The following DOCK8 variants were observed in gnomAD, a reference collection of about 807,000 sequenced individuals.
DOCK8 encodes dedicator of cytokinesis protein 8.
DOCK8 carries 141 observed loss-of-function variants against 245.6 expected under a neutral mutation model. That is an observed-to-expected ratio of 0.57 (90% CI 0.50 to 0.66). DOCK8 has a LOEUF of 0.66. Ranked by LOEUF, DOCK8 falls within the 30% of genes least tolerant of loss-of-function variation. The pLI is 0.00. For missense variants in DOCK8, 2,965 were observed against 2,603.4 expected, an observed-to-expected ratio of 1.14 and a Z score of -3.02; for synonymous variants, 1,168 against 970.2, an observed-to-expected ratio of 1.20 and a Z score of -3.79.
At chr9:422,818 C>T (rs1202587421) in intron 33 of DOCK8, among the ~76,000 whole-genome samples, 3 of 152,014 alleles carry the variant, frequency 2.0e-5, no homozygotes, top group Non-Finnish European at 4.4e-5. Context: ...AACCCCGTCT[C>T]TACAAAAAAT....
intron 14 of DOCK8, among the ~76,000 whole-genome samples, chr9:348,031 T>C (rs868076379): frequency 6.6e-6 from 1 of 152,188 alleles, no homozygotes; most frequent in Non-Finnish European, 1.5e-5. Flanking sequence ...CTGAAAAGTA[T>C]TGCAGCATCC....
rs777260693 is a variant in DOCK8, at chr9:452,054, C to G, written c.6005C>G (p.Ala2002Gly). The change falls in exon 46 of 48, where the codon GCT (alanine) becomes GGT (glycine). Residue 2002 changes from alanine (A) to glycine (G), a missense_variant. Physicochemically the swap from Ala to Gly is moderately conservative, Grantham distance 60 (BLOSUM62 0). Coordinates refer to ENST00000432829, the MANE Select transcript of DOCK8 (RefSeq NM_203447.4). ...CAAGTGTTTTTGGCTGAAATTCCTG[C>G]TGATCCAAAACTCTATCGACATCAC... ...VAQVFLAEIP[A>G]DPKLYRHHNK... is the part of the protein sequence containing the mutation. 6.3e-7 allele frequency: 1 copy of G among 1,594,640 alleles called. No homozygotes were observed. Among genetic ancestry groups the G allele is most frequent in the Non-Finnish European group, 8.5e-7 (1 of 1,171,882 alleles).
intron 13 of DOCK8, 120 bp from the exon 14 acceptor site, chr9:340,039 T>G: frequency 8.4e-7 from 1 of 1,186,806 alleles, no homozygotes; most frequent in Non-Finnish European, 1.2e-6. Flanking sequence ...CTCCAAAACT[T>G]TTTTACAGTA....
At chr9:237,228 A>C (rs1398453604) in intron 1 of DOCK8, among the ~76,000 whole-genome samples, 17 of 152,260 alleles carry the variant, frequency 1.1e-4, no homozygotes, top group Non-Finnish European at 1.5e-5. Flanking sequence ...TGGGAGCTGC[A>C]AGGAAAGCAA....
intron 1 of DOCK8, among the ~76,000 whole-genome samples, chr9:262,123 CA>C (rs1349810931): frequency 2.0e-5 from 3 of 152,042 alleles, no homozygotes; most frequent in African/African-American, 7.2e-5. Flanking sequence ...AGTGTCTCTT[CA>C]TGAAAACTTT....
chr9:339,514 G>A (rs1253179719), intron 13 of DOCK8, among the ~76,000 whole-genome samples: 4 of 151,986 alleles, frequency 2.6e-5, no homozygotes, highest in Admixed American at 6.6e-5. Context: ...AAGCCAGTTT[G>A]TGTTTGTTTT....
At chr9:346,911 G>A (rs947276763) in intron 14 of DOCK8, among the ~76,000 whole-genome samples, 2 of 151,990 alleles carry the variant, frequency 1.3e-5, no homozygotes, top group Non-Finnish European at 2.9e-5. Context: ...TAGGAAGAGG[G>A]GCAGGACATG....
chr9:377,273 T>C (rs1586840927), intron 20 of DOCK8, 62 bp downstream of exon 20: 2 of 1,449,362 alleles, frequency 1.4e-6, no homozygotes, highest in East Asian at 2.5e-5. Context: ...CCTTCTTTAA[T>C]GAAAAATGAC....
chr9:441,416 A>G lies in DOCK8; in HGVS notation c.5354A>G (p.Lys1785Arg). 1 of 1,614,198 alleles carries G rather than the reference A, an allele frequency of 6.2e-7. No individual in the cohort carries two copies. The highest frequency in any genetic ancestry group is 8.5e-7 in the Non-Finnish European group (1 of 1,180,032). The part of the protein sequence containing the change: ...LQRAFDSIVN[K>R]DHKRMFGTYF... ...AGAGCCTTCGACAGCATCGTTAACA[A>G]GGTAGCCGGGGAGCCTGGCTGGCAG... is the stretch of plus-strand genomic sequence containing the variant. The change falls in exon 41 of 48, where the codon AAG becomes AGG. Residue 1785 changes from lysine to arginine, a missense_variant and splice_region_variant. Physicochemically the swap from Lys to Arg is conservative, Grantham distance 26. Coordinates refer to ENST00000432829, the MANE Select transcript of DOCK8 (RefSeq NM_203447.4).
Position 448,537 on chromosome 9 carries a change from C to G in DOCK8, c.5818-1247C>G, listed in dbSNP as rs547814874. Among the ~76,000 whole-genome samples the G allele has an allele frequency of 9.8e-5, 15 of 152,362 alleles. No homozygotes were observed. The South Asian group carries it at 3.1e-3, about 32-fold the overall frequency. On this transcript the variant is annotated intron_variant, in intron 44 of 47. Coordinates refer to ENST00000432829, the MANE Select transcript of DOCK8 (RefSeq NM_203447.4). ...ACTGAAATTTACTGTCTGCACAATT[C>G]TAGAGGCTAGAAGTTTGAAATCAAG...
intron 1 of DOCK8, among the ~76,000 whole-genome samples, chr9:259,889 A>T (rs967629633): frequency 1.3e-5 from 2 of 152,250 alleles, no homozygotes. Context: ...CTCATGAAAG[A>T]TGTGTGAAAG....
intron 5 of DOCK8, among the ~76,000 whole-genome samples, chr9:309,884 G>A (rs1014365905): frequency 6.6e-6 from 1 of 152,164 alleles, no homozygotes; most frequent in Non-Finnish European, 1.5e-5. Context: ...TTATTTCCCA[G>A]TGCAGTCTCC....
chr9:247,681 C>G (rs1022237390), intron 1 of DOCK8, among the ~76,000 whole-genome samples: 1 of 151,978 alleles, frequency 6.6e-6, no homozygotes, highest in African/African-American at 2.4e-5. Context: ...ATACAGGCAC[C>G]CACCACCACG....
At chr9:227,303 C>G (rs776228620) in intron 1 of DOCK8, among the ~76,000 whole-genome samples, 2 of 152,076 alleles carry the variant, frequency 1.3e-5, no homozygotes, top group Non-Finnish European at 2.9e-5. Context: ...TTTTTACTTC[C>G]CTCGTAGAGG....
rs1016566442 is a variant in DOCK8 at position 418,439 on chromosome 9, G to A, written c.3840+232G>A. 1.3e-5 allele frequency among the ~76,000 whole-genome samples: 2 copies of A among 151,776 alleles called. 1 individual carries two copies. Among genetic ancestry groups the A allele is most frequent in the South Asian group, 4.1e-4 (2 of 4,822 alleles). ...CCACCACACCTGGCTAATTTTTTTT[G>A]TATCTTTTAGTAGAGACGGGGTTTC... On this transcript the variant is annotated intron_variant, in intron 30 of 47. Coordinates refer to ENST00000432829, the MANE Select transcript of DOCK8 (RefSeq NM_203447.4).
chr9:329,731 T>C (rs1294563034), intron 9 of DOCK8, among the ~76,000 whole-genome samples: 2 of 152,230 alleles, frequency 1.3e-5, no homozygotes, highest in African/African-American at 2.4e-5. Flanking sequence ...TATCTCAAAC[T>C]CTACTTCCCA....
chr9:389,475 ACCCCAC>A (rs1467586423), intron 23 of DOCK8, among the ~76,000 whole-genome samples: 2 of 151,772 alleles, frequency 1.3e-5, no homozygotes, highest in East Asian at 3.9e-4. Context: ...CCTCTCATAA[ACCCCAC>A]CGATCCTGCT....
At chr9:312,518 CTAATCCATT>C in intron 6 of DOCK8, 3 of 440,812 alleles carry the variant, frequency 6.8e-6, no homozygotes, top group Non-Finnish European at 1.3e-5. Context: ...TGTGTGGTCA[CTAATCCATT>C]GAGACATACA....
In DOCK8 at chr9:395,239, T is replaced by G. The variant is rs138181241; in HGVS notation, c.2971-1546T>G. The stretch of plus-strand genomic sequence containing the variant: ...TGAGGAGAAACCATGGTTTCTCTAC[T>G]GAGCTTTAGGGTTTGATGTCCTTAG... On this transcript the variant is annotated intron_variant, in intron 24 of 47. Coordinates refer to ENST00000432829, the MANE Select transcript of DOCK8 (RefSeq NM_203447.4). 1.9e-3 allele frequency among the ~76,000 whole-genome samples: 293 copies of G among 152,266 alleles called. 3 individuals carry two copies. Among genetic ancestry groups the G allele is most frequent in the African/African-American group, 6.7e-3 (279 of 41,560 alleles).
Sources: allele counts gnomAD v4.1 joint callset (sites outside exome capture counted in the v4.1 genomes callset), GRCh38; gene constraint gnomAD v4.1.1; transcripts MANE v1.5; gene names NCBI Gene and HGNC (gene_info 2026-07-23, HGNC 2026-07-21).